The following TBC1D4 variants were observed in gnomAD, a reference collection of about 807,000 sequenced individuals.
TBC1D4 encodes TBC (Tre-2, BUB2, CDC16) domain-containing protein.
Under a neutral mutation model 142.5 loss-of-function variants are expected in TBC1D4, and 121 were observed. The ratio of observed to expected loss-of-function variants is 0.85; its 90% CI spans 0.73 to 0.99. The LOEUF is 0.99. Among genes scored for constraint, TBC1D4 ranks in the 50% least tolerant of loss-of-function variants. The pLI, the probability that TBC1D4 is intolerant of heterozygous loss-of-function variation, is 0.00. For synonymous variants in TBC1D4, 630 were observed against 628.2 expected, an observed-to-expected ratio of 1.00 and a Z score of -0.04; for missense variants, 1,475 against 1,606.6, an observed-to-expected ratio of 0.92 and a Z score of 1.40.
At chr13:75,481,195 T>TCCCCCCCCCCACCC in intron 1 of TBC1D4, 75 bp downstream of exon 1, 1 of 1,292,712 alleles carries the variant, frequency 7.7e-7, no homozygotes, top group Non-Finnish European at 1.1e-6. Flanking sequence ...TAAAGTGGGG[T>TCCCCCCCCCCACCC]CCCCGCCCCT....
chr13:75,416,767 C>A (rs944825396), intron 1 of TBC1D4, among the ~76,000 whole-genome samples: 3 of 152,104 alleles, frequency 2.0e-5, no homozygotes, highest in African/African-American at 7.2e-5. Context: ...ATGTAATAAC[C>A]AAACTATGGG....
intron 1 of TBC1D4, chr13:75,366,996 G>C (rs1354491855): frequency 1.0e-6 from 1 of 984,950 alleles, no homozygotes; most frequent in Non-Finnish European, 1.2e-6. Context: ...CTCAGTATTA[G>C]CTCTAAGTTC....
chr13:75,348,300 TCTG>T (rs1453554591), intron 5 of TBC1D4, among the ~76,000 whole-genome samples: 1 of 152,224 alleles, frequency 6.6e-6, no homozygotes, highest in Non-Finnish European at 1.5e-5. Flanking sequence ...TAGACCAATC[TCTG>T]CTATGTTTAT....
intron 1 of TBC1D4, among the ~76,000 whole-genome samples, chr13:75,449,671 C>T (rs531647600): frequency 1.2e-4 from 18 of 146,706 alleles, no homozygotes; most frequent in Admixed American, 2.7e-4. Flanking sequence ...TTGCAGGCTT[C>T]GCTTCTTGGG....
chr13:75,428,110 GA>G, intron 1 of TBC1D4, among the ~76,000 whole-genome samples: 1 of 152,246 alleles, frequency 6.6e-6, no homozygotes, highest in African/African-American at 2.4e-5. Flanking sequence ...ATCAACAGGG[GA>G]CACAAAATTC....
chr13:75,459,535 C>T (rs928149544), intron 1 of TBC1D4, among the ~76,000 whole-genome samples: 7 of 152,144 alleles, frequency 4.6e-5, no homozygotes, highest in Non-Finnish European at 1.0e-4. Flanking sequence ...TCTAGCAGTT[C>T]AGTTTTAGTA....
intron 1 of TBC1D4, among the ~76,000 whole-genome samples, chr13:75,373,313 C>T (rs759063251): frequency 6.6e-6 from 1 of 152,186 alleles, no homozygotes; most frequent in Admixed American, 6.5e-5. Context: ...CATTCTTGAG[C>T]TTTTATTCAA....
chr13:75,424,544 C>T (rs997571164), intron 1 of TBC1D4, among the ~76,000 whole-genome samples: 1 of 151,912 alleles, frequency 6.6e-6, no homozygotes, highest in Non-Finnish European at 1.5e-5. Flanking sequence ...ACAAAAGACC[C>T]AGAACGACCA....
intron 1 of TBC1D4, among the ~76,000 whole-genome samples, chr13:75,418,575 G>A (rs1279884402): frequency 6.6e-6 from 1 of 152,106 alleles, no homozygotes; most frequent in Non-Finnish European, 1.5e-5. Context: ...TTCCAAAGAG[G>A]TCTGTGTTCT....
intron 1 of TBC1D4, among the ~76,000 whole-genome samples, chr13:75,480,669 C>T (rs1593933504): frequency 6.6e-6 from 1 of 152,160 alleles, no homozygotes; most frequent in African/African-American, 2.4e-5. Context: ...ATGTAGAATC[C>T]TTCTTTGCAG....
At position 75,324,337 on chromosome 13, in the gene TBC1D4, G is replaced by A; in HGVS notation, c.2098C>T (p.His700Tyr). Residue 700 changes from histidine to tyrosine, a missense_variant, in exon 11 of 21, where the codon CAC becomes TAC. His to Tyr is a moderately conservative substitution (Grantham distance 83). This residue lies in a region of TBC1D4 where 1,227 missense variants were observed against 1,267.7 expected (regional missense o/e 0.97). Coordinates refer to ENST00000377636, the MANE Select transcript of TBC1D4 (RefSeq NM_014832.5). Reference protein sequence around the residue: ...SNSSSSLPSLHTSFSAPSFTA... With the variant: ...SNSSSSLPSLYTSFSAPSFTA... Reference sequence around the variant, plus strand: ...AAGGAAGGGGCAGAGAAGGAAGTGTGAAGACTTGGAAGACTGGAGGAAGAA... The same window carrying A: ...AAGGAAGGGGCAGAGAAGGAAGTGTAAAGACTTGGAAGACTGGAGGAAGAA... 5 of 1,614,012 alleles carry A rather than the reference G, an allele frequency of 3.1e-6. No homozygotes were observed. The highest frequency in any genetic ancestry group is 4.2e-6 in the Non-Finnish European group (5 of 1,179,918).
At chr13:75,472,157 G>T (rs1447159293) in intron 1 of TBC1D4, among the ~76,000 whole-genome samples, 1 of 151,604 alleles carries the variant, frequency 6.6e-6, no homozygotes, top group Non-Finnish European at 1.5e-5. Flanking sequence ...CATTGCGGTG[G>T]CTCACGCCTG....
chr13:75,404,967 C>T (rs948937182), intron 1 of TBC1D4, among the ~76,000 whole-genome samples: 1 of 152,126 alleles, frequency 6.6e-6, no homozygotes, highest in African/African-American at 2.4e-5. Context: ...TGTTAAATGA[C>T]TTTTAGGTAC....
At chr13:75,385,806 T>A (rs1036301157) in intron 1 of TBC1D4, among the ~76,000 whole-genome samples, 3 of 152,196 alleles carry the variant, frequency 2.0e-5, no homozygotes, top group Admixed American at 2.0e-4. Context: ...TGTCCTATAT[T>A]CTGCTAATTT....
rs1346868051 is a variant in TBC1D4 at position 75,362,087 on chromosome 13, G to C, written c.1019C>G (p.Ala340Gly). The C allele has an allele frequency of 1.9e-6, 3 of 1,614,050 alleles. No homozygotes were observed. Among genetic ancestry groups the C allele is most frequent in the Non-Finnish European group, 2.5e-6 (3 of 1,180,022 alleles). The change falls in exon 2 of 21, where the codon GCG (alanine) becomes GGG (glycine). Residue 340 changes from alanine (A) to glycine (G), a missense_variant. By Grantham distance (60) the Ala-to-Gly change is moderately conservative. This residue lies in a region of TBC1D4 where 1,227 missense variants were observed against 1,267.7 expected (regional missense o/e 0.97). Transcript: ENST00000377636. This position sits in a 1 kb window ranked among gnomAD's most constrained non-coding sequence, Gnocchi z 4.2. ...SQKSQPRRRH[A>G]SAPSHVQPSD... Reference sequence around the variant, plus strand: ...GGGCTGGACGTGACTGGGTGCGCTCGCGTGTCTCCGTCGCGGCTGGGATTT... The same window carrying C: ...GGGCTGGACGTGACTGGGTGCGCTCCCGTGTCTCCGTCGCGGCTGGGATTT...
intron 7 of TBC1D4, among the ~76,000 whole-genome samples, chr13:75,338,902 C>T (rs1430663426): frequency 6.6e-6 from 1 of 152,220 alleles, no homozygotes; most frequent in Non-Finnish European, 1.5e-5. Context: ...AACTCCCTCT[C>T]CCTTCCTTTA....
intron 8 of TBC1D4, among the ~76,000 whole-genome samples, chr13:75,332,261 C>T (rs570324089): frequency 6.6e-6 from 1 of 152,294 alleles, no homozygotes; most frequent in Non-Finnish European, 1.5e-5. Context: ...TGTGATATTT[C>T]CCTAACACAC....
intron 1 of TBC1D4, among the ~76,000 whole-genome samples, chr13:75,433,111 C>T (rs1179343021): frequency 1.3e-5 from 2 of 152,168 alleles, no homozygotes; most frequent in African/African-American, 4.8e-5. Context: ...CATTCCATGC[C>T]ATTCAATAAA....
At position 75,285,285 on chromosome 13, in the gene TBC1D4, G is replaced by C. The variant is rs1014998811; in HGVS notation, c.*1507C>G. The C allele has an allele frequency of 1.3e-5, 2 of 152,134 alleles. No homozygotes were observed. The highest frequency in any genetic ancestry group is 2.9e-5 in the Non-Finnish European group (2 of 68,024). The allele number at this position is 152,134 out of a possible 1,614,324, so 9.4% of individuals were successfully genotyped here. On this transcript the variant is annotated 3_prime_UTR_variant, in exon 21 of 21. Transcript: ENST00000377636. Reference sequence around the variant, plus strand: ...ATCAAAGCTTTCTGAAACCCCTAGAGCTTTACTATTCTACTCTATAATACA... The same window carrying C: ...ATCAAAGCTTTCTGAAACCCCTAGACCTTTACTATTCTACTCTATAATACA...
Sources: allele counts gnomAD v4.1 joint callset (sites outside exome capture counted in the v4.1 genomes callset), GRCh38; gene constraint gnomAD v4.1.1; regional missense constraint gnomAD v4.1.1; non-coding constraint Gnocchi (gnomAD v3.1); transcripts MANE v1.5; gene names NCBI Gene and HGNC (gene_info 2026-07-23, HGNC 2026-07-21).